Variants in ATP7B observed in about 807,000 individuals in gnomAD.
The protein encoded by ATP7B is copper-transporting ATPase 2.
In ATP7B, 113 loss-of-function variants were observed where a neutral mutation model predicts 118.9. The ratio of observed to expected loss-of-function variants is 0.95; its 90% CI spans 0.82 to 1.11. The LOEUF (loss-of-function observed/expected upper bound fraction) is 1.11. Among genes scored for constraint, ATP7B ranks in the 50% most tolerant of loss-of-function variants. ATP7B has a pLI of 0.00. For synonymous variants in ATP7B, 777 were observed against 727.4 expected, an observed-to-expected ratio of 1.07 and a Z score of -1.10; for missense variants, 1,867 against 1,871.4, an observed-to-expected ratio of 1.00 and a Z score of 0.04.
chr13:52,011,123 T>C (rs1954010622), intron 1 of ATP7B, among the ~76,000 whole-genome samples, 164 bp downstream of exon 1: 1 of 152,226 alleles, frequency 6.6e-6, no homozygotes, highest in Non-Finnish European at 1.5e-5. Flanking sequence ...CGGCACACTT[T>C]TTCTAAAGGG....
Position 51,958,317 on chromosome 13 carries a change from C to A in ATP7B, c.2349G>T (p.Leu783Phe). The change falls in exon 8 of 21, where the codon TTG (leucine) becomes TTT (phenylalanine). Residue 783 changes from leucine (L) to phenylalanine (F), a missense_variant. By Grantham distance (22) the Leu-to-Phe change is conservative. Transcript: ENST00000242839. ...FIALGRWLEHLAKSKTSEALA... is the reference protein window; with the variant it reads ...FIALGRWLEHFAKSKTSEALA... Reference sequence around the variant, plus strand: ...AACCTGAAGCTGCTGTTACCTTTGCCAAGTGTTCCAGCCACCGGCCCAGGG... The same window carrying A: ...AACCTGAAGCTGCTGTTACCTTTGCAAAGTGTTCCAGCCACCGGCCCAGGG... 1 of 1,614,168 alleles carries A rather than the reference C, an allele frequency of 6.2e-7. No individual in the cohort carries two copies. Among genetic ancestry groups the A allele is most frequent in the South Asian group, 1.1e-5 (1 of 91,056 alleles).
intron 9 of ATP7B, among the ~76,000 whole-genome samples, chr13:51,952,145 T>C (rs900504523): frequency 6.6e-6 from 1 of 152,202 alleles, no homozygotes; most frequent in African/African-American, 2.4e-5. Context: ...ACATGTGAAC[T>C]GTGTGCTAGT....
At chr13:51,989,396 C>G (rs559064209) in intron 1 of ATP7B, among the ~76,000 whole-genome samples, 3 of 152,302 alleles carry the variant, frequency 2.0e-5, no homozygotes, top group Admixed American at 1.3e-4. Context: ...CTCTGCCCTT[C>G]TGAGGACAGA....
intron 1 of ATP7B, among the ~76,000 whole-genome samples, chr13:51,994,499 A>C (rs914657550): frequency 4.6e-5 from 7 of 152,250 alleles, no homozygotes; most frequent in African/African-American, 1.7e-4. Context: ...ATATTTTAAA[A>C]TAAATACCTC....
At chr13:51,957,804 G>A (rs1451091970) in intron 8 of ATP7B, 197 bp from the exon 9 acceptor site, 2 of 602,558 alleles carry the variant, frequency 3.3e-6, no homozygotes, top group South Asian at 1.9e-5. Context: ...GTGATGCACA[G>A]TGCCTGTGCC....
chr13:52,011,194 A>T, intron 1 of ATP7B, 93 bp downstream of exon 1: 1 of 1,591,932 alleles, frequency 6.3e-7, no homozygotes, highest in South Asian at 1.1e-5. Flanking sequence ...TTCCCTGCGC[A>T]CCCCCTGGGG....
At position 52,004,144 on chromosome 13, in the gene ATP7B, C is replaced by T. The variant is rs193094483; in HGVS notation, c.51+7143G>A. On this transcript the variant is annotated intron_variant, in intron 1 of 20. Transcript: ENST00000242839. The stretch of plus-strand genomic sequence containing the variant: ...GGGCATGGTGGCACATGCCTGTAAA[C>T]CCAGCTACTCGGGAGGCTGAGGCAG... 2.8e-4 allele frequency among the ~76,000 whole-genome samples: 42 copies of T among 152,294 alleles called. 3 individuals are homozygous for T. In the East Asian group the frequency reaches 3.1e-3, roughly 11 times the overall value.
chr13:51,979,978 T>A (rs1952333751), intron 1 of ATP7B, among the ~76,000 whole-genome samples: 1 of 152,222 alleles, frequency 6.6e-6, no homozygotes, highest in African/African-American at 2.4e-5. Context: ...AAAGTATCTG[T>A]TGGTCTAGGA....
intron 9 of ATP7B, among the ~76,000 whole-genome samples, chr13:51,951,872 A>C (rs1958029917): frequency 6.6e-6 from 1 of 152,232 alleles, no homozygotes; most frequent in South Asian, 2.1e-4. Flanking sequence ...ACAAGGGGGA[A>C]ATACTGGTGA....
upstream of ATP7B, chr13:52,011,973 G>C: frequency 3.3e-6 from 1 of 298,888 alleles, no homozygotes; most frequent in Non-Finnish European, 6.5e-6. Context: ...GCTGCCGGAC[G>C]CCGTGGGTCC....
intron 1 of ATP7B, among the ~76,000 whole-genome samples, chr13:52,008,045 G>A (rs909436707): frequency 2.0e-5 from 3 of 151,244 alleles, no homozygotes; most frequent in Non-Finnish European, 4.4e-5. Flanking sequence ...CACTGCATTG[G>A]TTAAAAAAAA....
chr13:51,946,233 C>T, intron 13 of ATP7B, 51 bp downstream of exon 13: 1 of 1,542,846 alleles, frequency 6.5e-7, no homozygotes, highest in Non-Finnish European at 8.8e-7. Context: ...AAATAGTAAA[C>T]AGATACTACT....
intron 1 of ATP7B, among the ~76,000 whole-genome samples, chr13:52,003,368 T>C (rs1476871565): frequency 1.3e-5 from 2 of 152,168 alleles, no homozygotes; most frequent in Admixed American, 6.6e-5. Flanking sequence ...GACAGAGACA[T>C]GAACTGCTGG....
intron 1 of ATP7B, among the ~76,000 whole-genome samples, chr13:51,985,457 C>A (rs1272837652): frequency 6.6e-6 from 1 of 152,166 alleles, no homozygotes; most frequent in Non-Finnish European, 1.5e-5. Flanking sequence ...GACTTCCACA[C>A]AGTAATAGTG....
chr13:51,984,054 G>A (rs988203429), intron 1 of ATP7B, among the ~76,000 whole-genome samples: 1 of 152,002 alleles, frequency 6.6e-6, no homozygotes, highest in African/African-American at 2.4e-5. Context: ...AAACTGGATG[G>A]AGAATGCGTT....
At chr13:51,997,062 T>C (rs1953245659) in intron 1 of ATP7B, among the ~76,000 whole-genome samples, 2 of 152,238 alleles carry the variant, frequency 1.3e-5, no homozygotes, top group South Asian at 4.1e-4. Flanking sequence ...GGAGCCCATG[T>C]AAATACATCA....
intron 1 of ATP7B, among the ~76,000 whole-genome samples, chr13:51,996,725 T>C (rs942667509): frequency 7.2e-5 from 11 of 152,298 alleles, no homozygotes; most frequent in African/African-American, 2.6e-4. Context: ...TCTGTTCTCT[T>C]TGAGGAAAGG....
chr13:52,011,380 G>A lies in ATP7B; in HGVS notation c.-43C>T, dbSNP rs1178443870. On this transcript the variant is annotated 5_prime_UTR_variant, in exon 1 of 21. Coordinates refer to ENST00000242839, the MANE Select transcript of ATP7B (RefSeq NM_000053.4). ...GAATTCTTCTCTGATCTGGCTCAGA[G>A]CAAAAGGTCACCTGGTCGGTGGAGG... is the stretch of plus-strand genomic sequence containing the variant. The A allele has an allele frequency of 1.3e-5, 21 of 1,613,680 alleles. No individual in the cohort carries two copies. The highest frequency in any genetic ancestry group is 1.7e-5 in the Non-Finnish European group (20 of 1,179,668).
At chr13:51,989,079 T>C (rs1367070436) in intron 1 of ATP7B, among the ~76,000 whole-genome samples, 5 of 152,140 alleles carry the variant, frequency 3.3e-5, no homozygotes, top group African/African-American at 1.2e-4. Flanking sequence ...ATTAACATCA[T>C]ACATGTTTGA....
Sources: gnomAD v4.1 joint callset for allele counts (sites outside exome capture counted in the v4.1 genomes callset) on GRCh38, gnomAD v4.1.1 for gene constraint, MANE v1.5 for transcripts, NCBI Gene and HGNC (gene_info 2026-07-23, HGNC 2026-07-21) for gene names.